SPIRE1: variants seen among roughly 807,000 people sequenced by gnomAD.
SPIRE1 encodes protein spire homolog 1.
SPIRE1 carries 40 observed loss-of-function variants against 94.1 expected under a neutral mutation model. The observed-to-expected ratio is 0.43, with a 90% CI of 0.33 to 0.55. The LOEUF is 0.55. Ranked by LOEUF, SPIRE1 falls within the 20% of genes least tolerant of loss-of-function variation. The probability of loss-of-function intolerance (pLI) is 0.06; values close to 1 mark genes in which losing one functional copy is unlikely to be tolerated. For synonymous variants in SPIRE1, 376 were observed against 371.7 expected (o/e 1.01, Z -0.13); for missense variants, 838 against 975.2 (o/e 0.86, Z 1.87).
chr18:12,502,863 T>A (rs1413737578), intron 6 of SPIRE1, among the ~76,000 whole-genome samples: 1 of 151,728 alleles, frequency 6.6e-6, no homozygotes, highest in Non-Finnish European at 1.5e-5. Context: ...ATCCCAGCAG[T>A]TTGGGAGGCT....
chr18:12,526,603 A>C (rs1301877879), intron 4 of SPIRE1, among the ~76,000 whole-genome samples: 1 of 152,254 alleles, frequency 6.6e-6, no homozygotes. Context: ...AATGAATATT[A>C]ATGCACATAA....
chr18:12,614,104 A>G (rs1426301327), intron 2 of SPIRE1, among the ~76,000 whole-genome samples: 2 of 152,100 alleles, frequency 1.3e-5, no homozygotes, highest in African/African-American at 4.8e-5. Flanking sequence ...TACAAAAAAT[A>G]AAAAAATTAG....
intron 6 of SPIRE1, among the ~76,000 whole-genome samples, chr18:12,497,085 AAAAC>A (rs1029817943): frequency 2.0e-5 from 3 of 151,938 alleles, no homozygotes; most frequent in Non-Finnish European, 1.5e-5. Context: ...CAACAACAAC[AAAAC>A]AAACAACAAC....
chr18:12,622,893 A>G (rs2037515450), intron 2 of SPIRE1, among the ~76,000 whole-genome samples: 2 of 152,214 alleles, frequency 1.3e-5, no homozygotes, highest in East Asian at 3.9e-4. Context: ...TTCTTCCTGG[A>G]AAGTTCCACT....
intron 10 of SPIRE1, among the ~76,000 whole-genome samples, chr18:12,472,498 G>A (rs1432523892): frequency 6.6e-6 from 1 of 151,096 alleles, no homozygotes; most frequent in African/African-American, 2.4e-5. Flanking sequence ...CTCCCAAGTA[G>A]CTGCGATTAC....
intron 14 of SPIRE1, 139 bp downstream of exon 14, chr18:12,452,929 G>T: frequency 1.6e-6 from 1 of 616,462 alleles, no homozygotes; most frequent in Non-Finnish European, 2.8e-6. Context: ...TAACCTACAA[G>T]GATAGCACAA....
At chr18:12,514,977 G>A (rs772070243) in intron 4 of SPIRE1, among the ~76,000 whole-genome samples, 3 of 152,182 alleles carry the variant, frequency 2.0e-5, no homozygotes, top group South Asian at 2.1e-4. Flanking sequence ...AATCAAGTAC[G>A]CATAAATGGA....
Position 12,467,088 on chromosome 18 carries a change from G to A in SPIRE1, c.1405-2130C>T, listed in dbSNP as rs753519680. ...TGAGGTCAGGAGCTCAAGACCAGCC[G>A]GGCCAACATGGTGAAATCCTGTCTC... On this transcript the variant is annotated intron_variant, in intron 10 of 16. Coordinates refer to ENST00000409402, the MANE Select transcript of SPIRE1 (RefSeq NM_001128626.2). Among the ~76,000 whole-genome samples, 84 of 152,034 alleles carry A rather than the reference G, an allele frequency of 5.5e-4. 1 individual carries two copies. The highest frequency in any genetic ancestry group is 2.4e-4 in the Non-Finnish European group (16 of 67,998).
intron 2 of SPIRE1, among the ~76,000 whole-genome samples, chr18:12,578,395 C>A (rs989388250): frequency 6.6e-6 from 1 of 152,180 alleles, no homozygotes; most frequent in Non-Finnish European, 1.5e-5. Context: ...CTAGTGCACA[C>A]TCAACACAGA....
intron 2 of SPIRE1, among the ~76,000 whole-genome samples, chr18:12,631,787 C>CAACCG (rs1268523414): frequency 1.3e-5 from 2 of 152,148 alleles, no homozygotes; most frequent in Non-Finnish European, 2.9e-5. Context: ...ATCGCTTGAA[C>CAACCG]CCAGGAGGCA....
At chr18:12,508,738 A>G (rs1567898657) in intron 5 of SPIRE1, among the ~76,000 whole-genome samples, 1 of 150,800 alleles carries the variant, frequency 6.6e-6, no homozygotes, top group South Asian at 2.1e-4. Context: ...GCAATGGTGC[A>G]ATCTTGGCTC....
At chr18:12,593,841 A>G (rs2036597467) in intron 2 of SPIRE1, among the ~76,000 whole-genome samples, 1 of 152,166 alleles carries the variant, frequency 6.6e-6, no homozygotes, top group Admixed American at 6.6e-5. Context: ...AATCCCAGCT[A>G]CTTGGGAGGC....
intron 10 of SPIRE1, among the ~76,000 whole-genome samples, chr18:12,469,565 A>C (rs1568189582): frequency 6.9e-6 from 1 of 145,464 alleles, no homozygotes; most frequent in Non-Finnish European, 1.5e-5. Context: ...TATATATATA[A>C]ATTATATATA....
At position 12,448,227 on chromosome 18, in the gene SPIRE1, T is replaced by C. The variant is rs189773334; in HGVS notation, c.*1411A>G. On this transcript the variant is annotated 3_prime_UTR_variant, in exon 17 of 17. Transcript: ENST00000409402. The surrounding 1 kb of genome is among the most constrained non-coding windows in gnomAD (Gnocchi z 4.4). ...CCGGAGCAGTTTTGAGGTATTACTG[T>C]TAATTTAGTATAGAAATGTTACTGT... 2.6e-4 allele frequency: 39 copies of C among 152,762 alleles called. No individual in the cohort carries two copies. The highest frequency in any genetic ancestry group is 9.1e-4 in the Admixed American group (14 of 15,306). 9.5% of individuals were successfully genotyped at this position (152,762 alleles called of 1,614,324 possible).
At position 12,576,077 on chromosome 18, in the gene SPIRE1, T is replaced by C. The variant is rs555290418; in HGVS notation, c.373-29173A>G. ...AATTAGCTGGGCATGGTGGTGCATG[T>C]CTGTAATCCCAGCTACTCGGGAGGC... is the stretch of plus-strand genomic sequence containing the variant. On this transcript the variant is annotated intron_variant, in intron 2 of 16. Transcript: ENST00000409402. Among the ~76,000 whole-genome samples the C allele has an allele frequency of 2.6e-5, 4 of 151,882 alleles. No individual in the cohort carries two copies. The East Asian group carries it at 7.8e-4, about 30-fold the overall frequency.
Position 12,493,205 on chromosome 18 carries a change from G to T in SPIRE1, c.1060-4C>A. ...GTTTCAGTTTTCTGGCTGAGACCTT[G>T]AAAGTAAGAAAAATGGCTAAAGACT... On this transcript the variant is annotated splice_polypyrimidine_tract_variant and splice_region_variant and intron_variant, in intron 7 of 16. Coordinates refer to ENST00000409402, the MANE Select transcript of SPIRE1 (RefSeq NM_001128626.2). 1 of 1,607,048 alleles carries T rather than the reference G, an allele frequency of 6.2e-7. No individual in the cohort carries two copies. Among genetic ancestry groups the T allele is most frequent in the Non-Finnish European group, 8.5e-7 (1 of 1,178,422 alleles).
At chr18:12,615,345 A>AAAAAAAAAATAAATAT in intron 2 of SPIRE1, among the ~76,000 whole-genome samples, 1 of 17,236 alleles carries the variant, frequency 5.8e-5, no homozygotes, top group Non-Finnish European at 1.9e-4. Context: ...AAAAAAAAAA[A>AAAAAAAAAATAAATAT]ATATATATAT....
intron 1 of SPIRE1, among the ~76,000 whole-genome samples, chr18:12,648,198 T>C (rs2038278074): frequency 6.6e-6 from 1 of 152,196 alleles, no homozygotes; most frequent in Non-Finnish European, 1.5e-5. Flanking sequence ...CCTGGCCCTA[T>C]CCTTGAACGC....
intron 6 of SPIRE1, among the ~76,000 whole-genome samples, chr18:12,501,977 G>A (rs2033681213): frequency 6.6e-6 from 1 of 152,100 alleles, no homozygotes; most frequent in African/African-American, 2.4e-5. Flanking sequence ...ATCAATAAAT[G>A]TCTTTTATTT....
Sources: gnomAD v4.1 joint callset for allele counts (sites outside exome capture counted in the v4.1 genomes callset) on GRCh38, gnomAD v4.1.1 for gene constraint, Gnocchi (gnomAD v3.1) non-coding constraint, MANE v1.5 for transcripts, NCBI Gene and HGNC (gene_info 2026-07-23, HGNC 2026-07-21) for gene names.